The following ADAM10 variants were observed in gnomAD, a reference collection of about 807,000 sequenced individuals.
ADAM10 encodes the protein ADAM metallopeptidase domain 10, also known as disintegrin and metalloproteinase domain-containing protein 10.
A neutral mutation model predicts 90.1 loss-of-function variants in ADAM10; 17 were observed. That is an observed-to-expected ratio of 0.19 (90% confidence interval 0.13 to 0.28). The LOEUF is 0.28. Among genes scored for constraint, ADAM10 ranks in the 10% least tolerant of loss-of-function variants. ADAM10 has a pLI of 1.00. For missense variants in ADAM10, 610 were observed against 914.3 expected (o/e 0.67, Z 4.29); for synonymous variants, 310 against 298.6 (o/e 1.04, Z -0.40).
chr15:58,661,841 G>A (rs1896975826), intron 5 of ADAM10, among the ~76,000 whole-genome samples: 1 of 151,932 alleles, frequency 6.6e-6, no homozygotes, highest in South Asian at 2.1e-4. Flanking sequence ...ATTGAGTTCT[G>A]CAGTAATTAA....
chr15:58,727,465 A>G (rs1294016107), intron 1 of ADAM10, among the ~76,000 whole-genome samples: 3 of 152,062 alleles, frequency 2.0e-5, no homozygotes, highest in South Asian at 2.1e-4. Flanking sequence ...TGCTGGGATT[A>G]CAGGTGTGAG....
chr15:58,734,453 A>G (rs1336066594), intron 1 of ADAM10, among the ~76,000 whole-genome samples: 3 of 152,366 alleles, frequency 2.0e-5, no homozygotes, highest in African/African-American at 7.2e-5. Context: ...TACCTTCATC[A>G]TAAACAAGGT....
chr15:58,650,006 C>T (rs1566980020), intron 5 of ADAM10, among the ~76,000 whole-genome samples: 3 of 152,116 alleles, frequency 2.0e-5, no homozygotes, highest in African/African-American at 7.2e-5. Flanking sequence ...TTTTCTTATA[C>T]TATCCAAATC....
intron 4 of ADAM10, chr15:58,672,744 T>C (rs117566867): frequency 0.011 from 1,251 of 118,274 alleles, 13 homozygotes; most frequent in East Asian, 0.025. Flanking sequence ...AACTAAGAAA[T>C]GGATATTGCT....
At chr15:58,722,880 C>T (rs368291478) in intron 1 of ADAM10, among the ~76,000 whole-genome samples, 25 of 151,958 alleles carry the variant, frequency 1.6e-4, no homozygotes, top group African/African-American at 6.0e-4. Flanking sequence ...TACAGGCACG[C>T]ACCACTATGC....
At chr15:58,707,441 C>T (rs1243662268) in intron 2 of ADAM10, 2 of 151,216 alleles carry the variant, frequency 1.3e-5, no homozygotes, top group Non-Finnish European at 2.9e-5. Context: ...CAGGCTTAAC[C>T]GATGGCCCTG....
intron 2 of ADAM10, among the ~76,000 whole-genome samples, chr15:58,707,116 C>G (rs1407143330): frequency 6.6e-6 from 1 of 150,576 alleles, no homozygotes; most frequent in Non-Finnish European, 1.5e-5. Flanking sequence ...GGCACAGTAG[C>G]TCACGCCTGT....
At chr15:58,667,875 A>C (rs1897113438) in intron 4 of ADAM10, among the ~76,000 whole-genome samples, 1 of 151,676 alleles carries the variant, frequency 6.6e-6, no homozygotes, top group South Asian at 2.1e-4. Flanking sequence ...ACCAATTCTC[A>C]TGTCTTCCCA....
intron 2 of ADAM10, among the ~76,000 whole-genome samples, chr15:58,707,588 G>GT (rs1277147359): frequency 6.6e-6 from 1 of 152,070 alleles, no homozygotes; most frequent in Admixed American, 6.6e-5. Flanking sequence ...GAACAACAAC[G>GT]TGAGTCTCAC....
At chr15:58,643,203 C>A (rs1406340331) in intron 7 of ADAM10, among the ~76,000 whole-genome samples, 1 of 151,694 alleles carries the variant, frequency 6.6e-6, no homozygotes, top group Non-Finnish European at 1.5e-5. Context: ...TATTTATTTA[C>A]CTGTAATTTA....
chr15:58,616,307 C>T (rs1237962347), intron 11 of ADAM10, among the ~76,000 whole-genome samples: 2 of 152,168 alleles, frequency 1.3e-5, no homozygotes, highest in African/African-American at 4.8e-5. Context: ...AACATTTCAT[C>T]CAACAGCTGT....
intron 1 of ADAM10, among the ~76,000 whole-genome samples, chr15:58,742,148 C>A (rs1218847985): frequency 6.6e-6 from 1 of 152,186 alleles, no homozygotes; most frequent in Non-Finnish European, 1.5e-5. Flanking sequence ...GGCTTCACGA[C>A]TCCTAACAGT....
At chr15:58,710,955 C>G (rs1463278657) in intron 2 of ADAM10, among the ~76,000 whole-genome samples, 1 of 152,180 alleles carries the variant, frequency 6.6e-6, no homozygotes, top group Non-Finnish European at 1.5e-5. Context: ...CAACTCCAGG[C>G]AAGAACCAGT....
chr15:58,706,628 G>T (rs1368753408), intron 2 of ADAM10, among the ~76,000 whole-genome samples: 1 of 152,112 alleles, frequency 6.6e-6, no homozygotes, highest in Non-Finnish European at 1.5e-5. Context: ...GAGAGGAACT[G>T]GAAGGGAAAG....
chr15:58,640,985 T>G, intron 7 of ADAM10, 25 bp from the exon 8 acceptor site: 1 of 1,596,772 alleles, frequency 6.3e-7, no homozygotes, highest in Non-Finnish European at 8.6e-7. Flanking sequence ...AATAATTTAG[T>G]AAGTAATTAA....
At chr15:58,705,231 T>C (rs1468139074) in intron 2 of ADAM10, among the ~76,000 whole-genome samples, 1 of 152,202 alleles carries the variant, frequency 6.6e-6, no homozygotes, top group African/African-American at 2.4e-5. Flanking sequence ...AAACTGTAGA[T>C]TTCCTTGAGG....
chr15:58,719,604 T>G (rs1488395737), intron 1 of ADAM10, among the ~76,000 whole-genome samples: 11 of 152,240 alleles, frequency 7.2e-5, no homozygotes, highest in South Asian at 2.1e-4. Context: ...GATGTCAGAT[T>G]ATCTGGGTTC....
chr15:58,647,248 A>ATATTTTTTTTTT (rs1896571611), intron 5 of ADAM10, among the ~76,000 whole-genome samples: 2 of 59,602 alleles, frequency 3.4e-5, no homozygotes, highest in Non-Finnish European at 7.2e-5. Context: ...GACACTAAGT[A>ATATTTTTTTTTT]TTTTTTTTTT....
intron 2 of ADAM10, among the ~76,000 whole-genome samples, chr15:58,683,892 A>G (rs1430023540): frequency 6.6e-6 from 1 of 150,940 alleles, no homozygotes; most frequent in East Asian, 1.9e-4. Flanking sequence ...AAGAGAAGGA[A>G]ATATAAAGTC....
Sources: allele counts gnomAD v4.1 joint callset (sites outside exome capture counted in the v4.1 genomes callset), GRCh38; gene constraint gnomAD v4.1.1; transcripts MANE v1.5; gene names NCBI Gene and HGNC (gene_info 2026-07-23, HGNC 2026-07-21).